PPP1R9A: variants seen among roughly 807,000 people sequenced by gnomAD.
PPP1R9A encodes protein phosphatase 1 regulatory subunit 9A, also known as neurabin-1.
In PPP1R9A, 59 loss-of-function variants were observed where a neutral mutation model predicts 141.9. The ratio of observed to expected loss-of-function variants is 0.42; its 90% CI spans 0.34 to 0.52. The LOEUF (loss-of-function observed/expected upper bound fraction) is 0.52. PPP1R9A is among the 20% of genes least tolerant of loss of function. PPP1R9A has a pLI of 0.10. For missense variants in PPP1R9A, 1,444 were observed against 1,611.9 expected (o/e 0.90, Z 1.78); for synonymous variants, 500 against 569.7 (o/e 0.88, Z 1.74).
intron 18 of PPP1R9A, chr7:95,287,073 C>G (rs747383015): frequency 1.3e-6 from 2 of 1,592,858 alleles, no homozygotes; most frequent in African/African-American, 1.3e-5. Context: ...TTCTGTAACA[C>G]TTTTCTTCTT....
intron 6 of PPP1R9A, chr7:95,202,524 T>TG (rs5885901): frequency 9.7e-5 from 56 of 577,552 alleles, no homozygotes; most frequent in Admixed American, 3.2e-4. Context: ...TGATCACTTG[T>TG]TTTTTTTTTC....
chr7:95,240,993 C>T (rs939156867), intron 8 of PPP1R9A, among the ~76,000 whole-genome samples: 2 of 151,990 alleles, frequency 1.3e-5, no homozygotes, highest in African/African-American at 4.8e-5. Flanking sequence ...AATCTCATTT[C>T]TAGACTTAGA....
At chr7:95,074,479 T>G (rs928798915) in intron 2 of PPP1R9A, among the ~76,000 whole-genome samples, 3 of 69,114 alleles carry the variant, frequency 4.3e-5, no homozygotes, top group East Asian at 2.0e-4. Flanking sequence ...TTTTTTTTTT[T>G]GTTGTTTTTT....
chr7:95,109,719 C>T (rs991571428), intron 2 of PPP1R9A, among the ~76,000 whole-genome samples: 1 of 151,736 alleles, frequency 6.6e-6, no homozygotes, highest in Non-Finnish European at 1.5e-5. Context: ...TGGCATGTGC[C>T]TGTAATCCTA....
chr7:95,155,925 A>G (rs935420179), intron 4 of PPP1R9A: 1 of 152,220 alleles, frequency 6.6e-6, no homozygotes, highest in Non-Finnish European at 1.5e-5. Flanking sequence ...TTAAAAATCT[A>G]CAAATTAATA....
chr7:95,265,534 A>G (rs1449534900), intron 12 of PPP1R9A, among the ~76,000 whole-genome samples: 1 of 152,220 alleles, frequency 6.6e-6, no homozygotes, highest in African/African-American at 2.4e-5. Flanking sequence ...TAAATCTTAT[A>G]CACATTTTCC....
At chr7:95,195,118 A>C (rs1198232232) in intron 5 of PPP1R9A, among the ~76,000 whole-genome samples, 2 of 152,108 alleles carry the variant, frequency 1.3e-5, no homozygotes, top group African/African-American at 2.4e-5. Context: ...ATACAAAAGG[A>C]AACTCCACCC....
At chr7:95,035,823 C>T (rs911308375) in intron 2 of PPP1R9A, 5 of 152,256 alleles carry the variant, frequency 3.3e-5, no homozygotes, top group Admixed American at 6.5e-5. Flanking sequence ...TAATGTCAGT[C>T]GTACGATTTT....
chr7:94,913,312 T>G (rs1791676066), intron 2 of PPP1R9A, among the ~76,000 whole-genome samples: 1 of 152,164 alleles, frequency 6.6e-6, no homozygotes. Flanking sequence ...TTTTTGGGAA[T>G]GATATTTTGA....
intron 12 of PPP1R9A, among the ~76,000 whole-genome samples, chr7:95,253,150 A>G (rs1799123719): frequency 6.6e-6 from 1 of 152,242 alleles, no homozygotes; most frequent in African/African-American, 2.4e-5. Context: ...GTGTGGCTTC[A>G]TCTTTTTAAA....
chr7:95,080,746 A>G (rs567811806), intron 2 of PPP1R9A, among the ~76,000 whole-genome samples: 2 of 152,132 alleles, frequency 1.3e-5, no homozygotes, highest in African/African-American at 2.4e-5. Context: ...AAAATAATCA[A>G]TATGCAAAAG....
chr7:95,208,956 T>TAAAAAAAAAAAAAAAAAA (rs10670515), intron 7 of PPP1R9A, among the ~76,000 whole-genome samples: 1 of 76,914 alleles, frequency 1.3e-5, no homozygotes, highest in African/African-American at 5.4e-5. Flanking sequence ...ATAGCAAAAC[T>TAAAAAAAAAAAAAAAAAA]AAAAAAAAAA....
chr7:95,273,812 C>T, intron 14 of PPP1R9A, 87 bp from the exon 15 acceptor site: 1 of 1,214,432 alleles, frequency 8.2e-7, no homozygotes, highest in Non-Finnish European at 1.1e-6. Flanking sequence ...TTAGGCAAAG[C>T]CCTTAGATTC....
chr7:95,078,570 G>T (rs999903949), intron 2 of PPP1R9A, among the ~76,000 whole-genome samples: 278 of 152,176 alleles, frequency 1.8e-3, no homozygotes, highest in East Asian at 6.6e-3. Flanking sequence ...ACTTCCACAA[G>T]GGTTGAACTA....
rs375912221 is a variant in PPP1R9A at position 95,266,787 on chromosome 7, C to T, written c.2666-1763C>T. On this transcript the variant is annotated intron_variant, in intron 12 of 19. Coordinates refer to ENST00000433360, the MANE Select transcript of PPP1R9A (RefSeq NM_001166160.2). ...GTGTTTCTAATTATATTACAGCTTT[C>T]ATCTACGTGGTGTTCCACATTTTAT... 2.7e-3 allele frequency among the ~76,000 whole-genome samples: 417 copies of T among 152,202 alleles called. 2 individuals carry two copies. The highest frequency in any genetic ancestry group is 8.6e-3 in the African/African-American group (356 of 41,562).
chr7:95,107,769 T>C (rs1819763432), intron 2 of PPP1R9A, among the ~76,000 whole-genome samples: 1 of 152,166 alleles, frequency 6.6e-6, no homozygotes. Flanking sequence ...TGCTTGTTAG[T>C]TTTCACGAAA....
At chr7:95,157,733 G>T (rs77837363) in intron 4 of PPP1R9A, among the ~76,000 whole-genome samples, 1,557 of 152,334 alleles carry the variant, frequency 0.01, 25 homozygotes, top group African/African-American at 0.036. Context: ...GACATTGAAA[G>T]AATATGTTGC....
Position 95,161,939 on chromosome 7 carries a change from A to G in PPP1R9A, c.1722A>G (p.Ala574=), listed in dbSNP as rs754038748. ...TGGGTGTGACACAGAATTTTGCAGC[A>G]ACAGTTCTCAGAAACACCAAGGGCA... ...SLVGVTQNFA[A]TVLRNTKGNV... The change falls in exon 5 of 20, where the codon GCA becomes GCG. Residue 574 remains alanine (A), a synonymous_variant. Transcript: ENST00000433360. 5 of 1,610,714 alleles carry G rather than the reference A, an allele frequency of 3.1e-6. No individual in the cohort carries two copies. Among genetic ancestry groups the G allele is most frequent in the Non-Finnish European group, 4.2e-6 (5 of 1,177,980 alleles).
At chr7:94,919,813 TTAAC>T (rs1439866316) in intron 2 of PPP1R9A, among the ~76,000 whole-genome samples, 1 of 152,148 alleles carries the variant, frequency 6.6e-6, no homozygotes, top group African/African-American at 2.4e-5. Flanking sequence ...TTAAATATCA[TTAAC>T]TAGTAATAAT....
Sources: allele counts gnomAD v4.1 joint callset (sites outside exome capture counted in the v4.1 genomes callset), GRCh38; gene constraint gnomAD v4.1.1; transcripts MANE v1.5; gene names NCBI Gene and HGNC (gene_info 2026-07-23, HGNC 2026-07-21).